Variants in ANKRD60 observed in about 807,000 individuals in gnomAD.
The protein encoded by ANKRD60 is ankyrin repeat domain 60, also known as ankyrin repeat domain-containing protein 60.
In ANKRD60, 24 loss-of-function variants were observed where a neutral mutation model predicts 21.3. The ratio of observed to expected loss-of-function variants is 1.13; its 90% CI spans 0.82 to 1.59. The LOEUF is 1.59. Ranked by LOEUF, ANKRD60 falls within the 40% of genes most tolerant of loss-of-function variation. ANKRD60 has a pLI of 0.00. For missense variants in ANKRD60, 490 were observed against 466.7 expected (o/e 1.05, Z -0.46); for synonymous variants, 182 against 199.4 (o/e 0.91, Z 0.74).
At chr20:58,222,898 A>T (rs1984288971) in intron 2 of ANKRD60, among the ~76,000 whole-genome samples, 154 bp downstream of exon 2, 1 of 152,196 alleles carries the variant, frequency 6.6e-6, no homozygotes, top group South Asian at 2.1e-4. Context: ...GCAAACCCTC[A>T]GTGCGGTATT....
At chr20:58,222,025 G>A (rs539893013) in intron 2 of ANKRD60, among the ~76,000 whole-genome samples, 5 of 152,278 alleles carry the variant, frequency 3.3e-5, no homozygotes, top group South Asian at 4.1e-4. Context: ...GGAAGGCTAC[G>A]GGTTCCCCCA....
At position 58,223,326 on chromosome 20, in the gene ANKRD60, G is replaced by A. The variant is rs114762188; in HGVS notation, c.431-144C>T. On this transcript the variant is annotated intron_variant, in intron 1 of 3. Transcript: ENST00000457363. ...AATACAAATCTCATTTGATGGTGTC[G>A]CGTGGGTCTGTCTGTTGTTGGTAAT... 3.0e-3 allele frequency: 2,255 copies of A among 750,216 alleles called. 36 individuals are homozygous for A. The African/African-American group carries it at 0.034, about 11-fold the overall frequency. 46.5% of individuals were successfully genotyped at this position (750,216 alleles called of 1,614,324 possible).
At chr20:58,223,136 A>G in exon 2 of ANKRD60, 1 of 1,551,726 alleles carries the variant, frequency 6.4e-7, no homozygotes, top group Non-Finnish European at 8.7e-7. Context: ...TAATCCCTCC[A>G]GGAACAACAT....
downstream of ANKRD60, among the ~76,000 whole-genome samples, chr20:58,217,321 C>G (rs186364619): frequency 3.8e-4 from 58 of 152,070 alleles, no homozygotes; most frequent in Middle Eastern, 3.4e-3. Context: ...CTTAGCTACT[C>G]AAGAGGCTGA....
At position 58,225,472 on chromosome 20, in the gene ANKRD60, G is replaced by A. The variant is rs76557768; in HGVS notation, c.431-2290C>T. 1.6e-4 allele frequency among the ~76,000 whole-genome samples: 24 copies of A among 152,250 alleles called. No individual in the cohort carries two copies. In the East Asian group the frequency reaches 3.5e-3, roughly 22 times the overall value. On this transcript the variant is annotated intron_variant, in intron 1 of 3. Transcript: ENST00000457363. ...AACACTCCTATAGGAAAATAAATAC[G>A]TCAGGAAAAGTGCTTAACCTATTTT...
intron 2 of ANKRD60, 149 bp downstream of exon 2, chr20:58,222,903 G>A (rs796867344): frequency 2.0e-5 from 21 of 1,045,094 alleles, no homozygotes; most frequent in African/African-American, 4.8e-5. Flanking sequence ...CCCTCAGTGC[G>A]GTATTTCATA....
chr20:58,224,173 C>T (rs748569468), intron 1 of ANKRD60, among the ~76,000 whole-genome samples: 1 of 151,950 alleles, frequency 6.6e-6, no homozygotes, highest in African/African-American at 2.4e-5. Flanking sequence ...TAAGAGCCGA[C>T]GTGATGTGAG....
At chr20:58,221,160 C>T (rs920810273) in intron 3 of ANKRD60, among the ~76,000 whole-genome samples, 178 bp downstream of exon 3, 11 of 152,114 alleles carry the variant, frequency 7.2e-5, no homozygotes, top group Non-Finnish European at 1.6e-4. Flanking sequence ...GACTGGCGTG[C>T]CCTAAGACAC....
Position 58,218,838 on chromosome 20 carries a change from C to CA in ANKRD60, c.728-34dup, listed in dbSNP as rs1268015272. ...ATAAGAACATTGGCCAGAAGGAAGA[C>CA]ATGCGGAGGGGGAACACAGGAGGGG... On this transcript the variant is annotated intron_variant, in intron 3 of 3. Coordinates refer to ENST00000457363, the Ensembl canonical transcript of ANKRD60. 10 of 1,502,650 alleles carry CA rather than the reference C, an allele frequency of 6.7e-6. No homozygotes were observed. The South Asian group carries it at 1.1e-4, about 16-fold the overall frequency. 93.1% of individuals were successfully genotyped at this position (1,502,650 alleles called of 1,614,324 possible).
rs145796755 is a variant in ANKRD60 at position 58,218,591 on chromosome 20, C to T, written c.942G>A (p.Ser314=). 1.2e-5 allele frequency: 19 copies of T among 1,551,798 alleles called. No individual in the cohort carries two copies. In the East Asian group the frequency reaches 2.0e-4, roughly 16 times the overall value. ...CCAAGTCATTCAGATCCCTTATCCCCGACTTTGCTATCCGGTGGAGGAGGA... is the reference window on the plus strand; with the variant it reads ...CCAAGTCATTCAGATCCCTTATCCCTGACTTTGCTATCCGGTGGAGGAGGA... Residue 314 remains serine (S), a synonymous_variant, in exon 4 of 4, where the codon TCG becomes TCA. Coordinates refer to ENST00000457363, the Ensembl canonical transcript of ANKRD60.
Position 58,228,484 on chromosome 20 carries a change from T to C in ANKRD60, c.170A>G (p.Asp57Gly), listed in dbSNP as rs759024352. ...GGGCTGCGCGGGGAGGGCCCGCGAG[T>C]CCGCCGAGCCCACCCTGGGCCCGCC... Residue 57 changes from aspartate (D) to glycine (G), a missense_variant, in exon 1 of 4, where the codon GAC becomes GGC. Transcript: ENST00000457363. The surrounding 1 kb of genome is among the most constrained non-coding windows in gnomAD (Gnocchi z 5.3). 3.1e-3 allele frequency: 4,643 copies of C among 1,497,668 alleles called. 125 individuals are homozygous for C. The African/African-American group carries it at 0.058, about 19-fold the overall frequency. The allele number at this position is 1,497,668 out of a possible 1,614,324, so 92.8% of individuals were successfully genotyped here. A position where few individuals can be genotyped will look rare whatever the true frequency, so the allele number is the denominator to read the frequency against.
At chr20:58,220,545 A>G (rs1007744528) in intron 3 of ANKRD60, among the ~76,000 whole-genome samples, 1 of 146,412 alleles carries the variant, frequency 6.8e-6, no homozygotes, top group Non-Finnish European at 1.5e-5. Context: ...CCTTAAGTGG[A>G]GGTGGGTTGA....
At chr20:58,227,419 G>A (rs1600685870) in intron 1 of ANKRD60, among the ~76,000 whole-genome samples, 1 of 152,218 alleles carries the variant, frequency 6.6e-6, no homozygotes, top group Middle Eastern at 3.4e-3. Context: ...GGGGTTCTGA[G>A]GTAGTCATGG....
chr20:58,218,862 G>T (rs1180031712), intron 3 of ANKRD60, 57 bp from the exon 4 acceptor site: 50 of 1,456,168 alleles, frequency 3.4e-5, no homozygotes, highest in Non-Finnish European at 4.6e-5. Context: ...ACACAGGAGG[G>T]GTCCAGGGCT....
chr20:58,222,620 C>G (rs375264542), intron 2 of ANKRD60, among the ~76,000 whole-genome samples: 1 of 152,288 alleles, frequency 6.6e-6, no homozygotes, highest in South Asian at 2.1e-4. Flanking sequence ...GAGCGCCCGC[C>G]GCTCACCCCG....
intron 2 of ANKRD60, among the ~76,000 whole-genome samples, chr20:58,221,825 T>G (rs1317565309): frequency 6.6e-6 from 1 of 152,160 alleles, no homozygotes; most frequent in Non-Finnish European, 1.5e-5. Flanking sequence ...TTGAAGCCAC[T>G]GAGGAAGACA....
downstream of ANKRD60, chr20:58,218,385 A>T: frequency 1.9e-6 from 2 of 1,033,312 alleles, no homozygotes; most frequent in Non-Finnish European, 1.4e-6. Context: ...TATCTGATTC[A>T]GGTTAATTGC....
intron 1 of ANKRD60, among the ~76,000 whole-genome samples, chr20:58,227,761 G>A (rs1452868265): frequency 6.6e-6 from 1 of 152,146 alleles, no homozygotes; most frequent in Non-Finnish European, 1.5e-5. Flanking sequence ...GTACTGACAT[G>A]GGCAGGCTTG....
At chr20:58,224,638 T>A (rs184619083) in intron 1 of ANKRD60, among the ~76,000 whole-genome samples, 2 of 152,338 alleles carry the variant, frequency 1.3e-5, no homozygotes, top group African/African-American at 4.8e-5. Flanking sequence ...AGCAAATCTG[T>A]TAATTAGTGT....
Sources: allele counts gnomAD v4.1 joint callset (sites outside exome capture counted in the v4.1 genomes callset), GRCh38; gene constraint gnomAD v4.1.1; non-coding constraint Gnocchi (gnomAD v3.1); transcripts MANE v1.5; gene names NCBI Gene and HGNC (gene_info 2026-07-23, HGNC 2026-07-21).